PTPN2: variants seen among roughly 807,000 people sequenced by gnomAD.
PTPN2 encodes protein tyrosine phosphatase non-receptor type 2.
Under a neutral mutation model 57.3 loss-of-function variants are expected in PTPN2, and 19 were observed. The ratio of observed to expected loss-of-function variants is 0.33; its 90% CI spans 0.23 to 0.49. The LOEUF is 0.49. Ranked by LOEUF, PTPN2 falls within the 20% of genes least tolerant of loss-of-function variation. The probability of loss-of-function intolerance (pLI) is 0.99; values close to 1 mark genes in which losing one functional copy is unlikely to be tolerated. For missense variants in PTPN2, 358 were observed against 501.1 expected (o/e 0.71, Z 2.73); for synonymous variants, 153 against 164.9 (o/e 0.93, Z 0.55).
intron 9 of PTPN2, chr18:12,785,995 C>T (rs1430511051): frequency 1.5e-6 from 1 of 655,842 alleles, no homozygotes; most frequent in Non-Finnish European, 2.6e-6. Context: ...ACACTAAGTG[C>T]TGCACTGTTA....
chr18:12,791,424 A>T (rs1268765697), downstream of PTPN2, among the ~76,000 whole-genome samples: 2 of 152,198 alleles, frequency 1.3e-5, no homozygotes, highest in African/African-American at 2.4e-5. Flanking sequence ...TATTATGAGG[A>T]CCTAAGGATA....
chr18:12,874,600 C>T (rs1324671498), intron 1 of PTPN2, among the ~76,000 whole-genome samples: 22 of 129,642 alleles, frequency 1.7e-4, no homozygotes, highest in East Asian at 5.3e-4. Flanking sequence ...GTTCAGCCCC[C>T]CGCCCGGCCA....
rs1192112043 is a variant in PTPN2, at chr18:12,793,121, G to A, written c.*1157C>T. ...ATTAAATTTGTAACAACAATTTCAA[G>A]TTTAAGTAAGACAAATTAAACACTG... On this transcript the variant is annotated 3_prime_UTR_variant, in exon 9 of 9. Coordinates refer to ENST00000309660, the MANE Select transcript of PTPN2 (RefSeq NM_002828.4). 5 of 984,712 alleles carry A rather than the reference G, an allele frequency of 5.1e-6. No individual in the cohort carries two copies. The East Asian group carries it at 5.6e-4, about 111-fold the overall frequency. 61.0% of individuals were successfully genotyped at this position (984,712 alleles called of 1,614,324 possible).
chr18:12,793,278 G>T lies in PTPN2; in HGVS notation c.*1000C>A. ...TTTGCATATAATCATACTATTTATT[G>T]AAGTAGAAAGAAACTGAAAAGTGTT... On this transcript the variant is annotated 3_prime_UTR_variant, in exon 9 of 9. Transcript: ENST00000309660. 1 of 971,558 alleles carries T rather than the reference G, an allele frequency of 1.0e-6. No individual in the cohort carries two copies. The highest frequency in any genetic ancestry group is 1.2e-6 in the Non-Finnish European group (1 of 817,074). 60.2% of individuals were successfully genotyped at this position (971,558 alleles called of 1,614,324 possible). A position where few individuals can be genotyped will look rare whatever the true frequency, so the allele number is the denominator to read the frequency against.
At chr18:12,804,885 C>T (rs561873229) in intron 7 of PTPN2, among the ~76,000 whole-genome samples, 1 of 152,086 alleles carries the variant, frequency 6.6e-6, no homozygotes, top group Non-Finnish European at 1.5e-5. Context: ...CCAGCATTAC[C>T]CTGATACCAA....
intron 2 of PTPN2, among the ~76,000 whole-genome samples, chr18:12,855,607 G>A (rs1345842848): frequency 6.6e-6 from 1 of 152,152 alleles, no homozygotes; most frequent in Non-Finnish European, 1.5e-5. Flanking sequence ...TGAGCATGGT[G>A]AGGAGCTCTG....
At chr18:12,788,544 A>G (rs2145199942), downstream of PTPN2, among the ~76,000 whole-genome samples, 1 of 148,952 alleles carries the variant, frequency 6.7e-6, no homozygotes, top group Non-Finnish European at 1.5e-5. Context: ...AAGTACTGGG[A>G]TTACAGGAGT....
chr18:12,868,427 G>T (rs75272636), intron 1 of PTPN2, among the ~76,000 whole-genome samples: 9,610 of 151,578 alleles, frequency 0.063, 381 homozygotes, highest in East Asian at 0.13. Flanking sequence ...GCTAATTTTT[G>T]TATTTTTTAG....
At chr18:12,797,319 G>C (rs2067096882) in intron 8 of PTPN2, among the ~76,000 whole-genome samples, 1 of 151,882 alleles carries the variant, frequency 6.6e-6, no homozygotes, top group East Asian at 1.9e-4. Flanking sequence ...ATTATAATTT[G>C]TATCTAGTAT....
intron 3 of PTPN2, 69 bp from the exon 4 acceptor site, chr18:12,831,110 T>C: frequency 9.3e-7 from 1 of 1,070,210 alleles, no homozygotes; most frequent in Non-Finnish European, 1.4e-6. Context: ...AGGAAGGCCT[T>C]GTTAAGTCTG....
At chr18:12,789,820 AAT>A (rs929194698), downstream of PTPN2, among the ~76,000 whole-genome samples, 21 of 152,086 alleles carry the variant, frequency 1.4e-4, no homozygotes, top group Admixed American at 1.1e-3. Context: ...TAATCTTTAA[AAT>A]ATCTTTATTT....
intron 2 of PTPN2, among the ~76,000 whole-genome samples, chr18:12,850,414 G>A (rs148526500): frequency 1.3e-5 from 2 of 151,922 alleles, no homozygotes; most frequent in Non-Finnish European, 2.9e-5. Flanking sequence ...GCTTGAACTC[G>A]AGAGGCAGAG....
chr18:12,839,819 C>G (rs1293952629), intron 2 of PTPN2, among the ~76,000 whole-genome samples: 2 of 152,128 alleles, frequency 1.3e-5, no homozygotes, highest in Non-Finnish European at 2.9e-5. Flanking sequence ...CCCTTCACCT[C>G]CTACCCTCAA....
intron 6 of PTPN2, among the ~76,000 whole-genome samples, chr18:12,816,022 T>C (rs951455820): frequency 1.3e-5 from 2 of 152,136 alleles, no homozygotes; most frequent in African/African-American, 4.8e-5. Flanking sequence ...ACCAGTCTTG[T>C]GTCAAGCGTG....
chr18:12,797,775 C>A (rs1314073265), intron 8 of PTPN2, among the ~76,000 whole-genome samples: 1 of 152,096 alleles, frequency 6.6e-6, no homozygotes, highest in African/African-American at 2.4e-5. Flanking sequence ...GGACCCTTGC[C>A]CAGGGAAGAT....
intron 2 of PTPN2, among the ~76,000 whole-genome samples, chr18:12,857,017 C>T (rs1030951350): frequency 5.4e-5 from 8 of 147,286 alleles, no homozygotes; most frequent in East Asian, 2.0e-4. Flanking sequence ...GCCAAGATCA[C>T]GCCACTGCAC....
At chr18:12,797,863 A>G (rs1445869678) in intron 8 of PTPN2, among the ~76,000 whole-genome samples, 1 of 151,992 alleles carries the variant, frequency 6.6e-6, no homozygotes, top group African/African-American at 2.4e-5. Flanking sequence ...CTCCCTTAAG[A>G]CTACAGGCAG....
At chr18:12,854,360 G>GGA (rs1555675723) in intron 2 of PTPN2, among the ~76,000 whole-genome samples, 14 of 119,268 alleles carry the variant, frequency 1.2e-4, no homozygotes, top group Admixed American at 6.8e-4. Context: ...ACCCTGTCTT[G>GGA]AAAAAAAAAA....
At chr18:12,826,171 G>C (rs1225084386) in intron 4 of PTPN2, among the ~76,000 whole-genome samples, 1 of 152,210 alleles carries the variant, frequency 6.6e-6, no homozygotes, top group Non-Finnish European at 1.5e-5. Context: ...GGGAGGCTGA[G>C]GCGGGAGGAT....
Sources: gnomAD v4.1 joint callset for allele counts (sites outside exome capture counted in the v4.1 genomes callset) on GRCh38, gnomAD v4.1.1 for gene constraint, MANE v1.5 for transcripts, NCBI Gene and HGNC (gene_info 2026-07-23, HGNC 2026-07-21) for gene names.